ACTR5: variants seen among roughly 807,000 people sequenced by gnomAD.
ACTR5 encodes actin related protein 5.
ACTR5 carries 43 observed loss-of-function variants against 61.2 expected under a neutral mutation model. That is an observed-to-expected ratio of 0.70 (90% CI 0.55 to 0.91). The LOEUF is 0.91. Among genes scored for constraint, ACTR5 ranks in the 40% least tolerant of loss-of-function variants. The pLI, the probability that ACTR5 is intolerant of heterozygous loss-of-function variation, is 0.00. For missense variants in ACTR5, 798 were observed against 782.2 expected (o/e 1.02, Z -0.24); for synonymous variants, 333 against 310.5 (o/e 1.07, Z -0.76).
intron 5 of ACTR5, among the ~76,000 whole-genome samples, chr20:38,756,367 T>C (rs2084420327): frequency 6.6e-6 from 1 of 152,246 alleles, no homozygotes; most frequent in Non-Finnish European, 1.5e-5. Context: ...TTTTAGTGTT[T>C]TATTAAATAT....
chr20:38,753,265 TG>T (rs1350560517), intron 3 of ACTR5, among the ~76,000 whole-genome samples: 4 of 152,066 alleles, frequency 2.6e-5, no homozygotes, highest in Admixed American at 2.6e-4. Flanking sequence ...AGAGAGAGCA[TG>T]AGGGAATTTT....
At chr20:38,770,839 T>C (rs1256605334) in intron 8 of ACTR5, among the ~76,000 whole-genome samples, 2 of 152,214 alleles carry the variant, frequency 1.3e-5, no homozygotes, top group Admixed American at 6.5e-5. Context: ...TCCACTGTTA[T>C]GGCCTCTGCC....
intron 5 of ACTR5, among the ~76,000 whole-genome samples, chr20:38,756,344 T>A (rs1166888698): frequency 6.6e-6 from 1 of 152,222 alleles, no homozygotes; most frequent in Non-Finnish European, 1.5e-5. Flanking sequence ...GTCATATACT[T>A]CCTTTAATTT....
chr20:38,767,431 AAGGGACTATATT>A, intron 7 of ACTR5, 21 bp from the exon 8 acceptor site: 1 of 1,586,890 alleles, frequency 6.3e-7, no homozygotes, highest in Non-Finnish European at 8.6e-7. Flanking sequence ...TATTTGAGTT[AAGGGACTATATT>A]AGGAGTTGTT....
intron 8 of ACTR5, among the ~76,000 whole-genome samples, chr20:38,769,523 C>G (rs180827041): frequency 6.6e-6 from 1 of 152,254 alleles, no homozygotes; most frequent in East Asian, 1.9e-4. Flanking sequence ...AACTAGTTTG[C>G]TGATTAAGAG....
chr20:38,759,050 C>G (rs1242784896), intron 5 of ACTR5, among the ~76,000 whole-genome samples: 1 of 152,096 alleles, frequency 6.6e-6, no homozygotes, highest in African/African-American at 2.4e-5. Flanking sequence ...GCATTTTTAC[C>G]AAGTATTTAA....
intron 2 of ACTR5, 116 bp downstream of exon 2, chr20:38,750,355 C>A: frequency 2.3e-6 from 2 of 864,808 alleles, no homozygotes; most frequent in East Asian, 2.7e-5. Flanking sequence ...TGAACTGAGC[C>A]GTTGGGCTTA....
In ACTR5 at chr20:38,772,037, CTGATGTCTTTGT is replaced by C. The variant is rs2084523142; in HGVS notation, c.*223_*234del. On this transcript the variant is annotated 3_prime_UTR_variant, in exon 9 of 9. Coordinates refer to ENST00000243903, the MANE Select transcript of ACTR5 (RefSeq NM_024855.4). ...TCTGTGGTAGAGACTAACTGGCCTT[CTGATGTCTTTGT>C]TCAACTGTGGCCAGCTGTGGCATCA... is the stretch of plus-strand genomic sequence containing the variant. 8.2e-6 allele frequency: 5 copies of C among 607,292 alleles called. No homozygotes were observed. In the South Asian group the frequency reaches 1.1e-4, roughly 14 times the overall value. 37.6% of individuals were successfully genotyped at this position (607,292 alleles called of 1,614,324 possible). A position where few individuals can be genotyped will look rare whatever the true frequency, so the allele number is the denominator to read the frequency against.
At chr20:38,750,704 G>T (rs1360518340) in intron 2 of ACTR5, among the ~76,000 whole-genome samples, 1 of 151,858 alleles carries the variant, frequency 6.6e-6, no homozygotes, top group Non-Finnish European at 1.5e-5. Flanking sequence ...TCTTGGCTCA[G>T]GGCAACGTCC....
intron 5 of ACTR5, among the ~76,000 whole-genome samples, chr20:38,757,636 A>G (rs945616452): frequency 3.9e-5 from 6 of 152,002 alleles, no homozygotes; most frequent in Non-Finnish European, 1.5e-5. Flanking sequence ...CTTTGGCTCA[A>G]CAGGAAGCTT....
intron 3 of ACTR5, 89 bp downstream of exon 3, chr20:38,752,389 A>G: frequency 1.4e-6 from 2 of 1,413,148 alleles, no homozygotes; most frequent in East Asian, 2.4e-5. Context: ...TTGCTTGCTC[A>G]CTTTTTAAGC....
At position 38,771,619 on chromosome 20, in the gene ACTR5, A is replaced by T. The variant is rs2084520535; in HGVS notation, c.1627A>T (p.Asn543Tyr). ...GTACGGTGCTCGTGACTGGGCCTTGAACCACCTAGATGATAATGAAGTTTG... is the reference window on the plus strand; with the variant it reads ...GTACGGTGCTCGTGACTGGGCCTTGTACCACCTAGATGATAATGAAGTTTG... Reference protein sequence around the residue: ...AWYGARDWALNHLDDNEVWIT... With the variant: ...AWYGARDWALYHLDDNEVWIT... The change falls in exon 9 of 9, where the codon AAC becomes TAC. Residue 543 changes from asparagine (N) to tyrosine (Y), a missense_variant. Transcript: ENST00000243903. The T allele has an allele frequency of 6.2e-7, 1 of 1,614,002 alleles. No individual in the cohort carries two copies. The highest frequency in any genetic ancestry group is 8.5e-7 in the Non-Finnish European group (1 of 1,180,022).
At chr20:38,764,021 C>T (rs144852261) in intron 5 of ACTR5, among the ~76,000 whole-genome samples, 137 of 152,260 alleles carry the variant, frequency 9.0e-4, no homozygotes, top group Non-Finnish European at 1.6e-3. Context: ...CATTGTCACC[C>T]ATCTTGCATG....
At chr20:38,756,950 G>C (rs2084423890) in intron 5 of ACTR5, among the ~76,000 whole-genome samples, 1 of 151,264 alleles carries the variant, frequency 6.6e-6, no homozygotes, top group African/African-American at 2.5e-5. Flanking sequence ...GTTTGAGACA[G>C]GGTCTCACTT....
Position 38,748,581 on chromosome 20 carries a change from C to T in ACTR5, c.103C>T (p.Leu35=). 6.6e-7 allele frequency: 1 copy of T among 1,522,800 alleles called. No individual in the cohort carries two copies. Among genetic ancestry groups the T allele is most frequent in the Non-Finnish European group, 8.8e-7 (1 of 1,137,802 alleles). The allele number at this position is 1,522,800 out of a possible 1,614,324, so 94.3% of individuals were successfully genotyped here. ...AHGPLPVPLV[L]DNGSFQVRAG... Reference sequence around the variant, plus strand: ...CGGGCCACTGCCGGTACCGCTGGTGCTGGACAACGGGTCGTTCCAAGTCCG... The same window carrying T: ...CGGGCCACTGCCGGTACCGCTGGTGTTGGACAACGGGTCGTTCCAAGTCCG... Residue 35 remains leucine, a synonymous_variant, in exon 1 of 9, where the codon CTG becomes TTG. Coordinates refer to ENST00000243903, the MANE Select transcript of ACTR5 (RefSeq NM_024855.4).
chr20:38,759,326 T>C (rs978224608), intron 5 of ACTR5, among the ~76,000 whole-genome samples: 3 of 152,196 alleles, frequency 2.0e-5, no homozygotes, highest in African/African-American at 4.8e-5. Flanking sequence ...GTCATATTAG[T>C]GTTTCTGAAC....
Position 38,767,928 on chromosome 20 carries a change from C to T in ACTR5, c.1566+332C>T, listed in dbSNP as rs182690715. On this transcript the variant is annotated intron_variant, in intron 8 of 8. Transcript: ENST00000243903. ...GGAGCGTTCCAGACAGAAGGACTAG[C>T]ATGAGCAAGGGCACAGGGGCCAGAA... 2.8e-3 allele frequency among the ~76,000 whole-genome samples: 424 copies of T among 152,258 alleles called. 2 individuals carry two copies. Among genetic ancestry groups the T allele is most frequent in the African/African-American group, 9.6e-3 (400 of 41,524 alleles).
chr20:38,768,878 C>CT (rs1254050207), intron 8 of ACTR5, among the ~76,000 whole-genome samples: 5 of 152,144 alleles, frequency 3.3e-5, no homozygotes, highest in African/African-American at 1.2e-4. Context: ...ATGAAGGAGT[C>CT]TAAGCAGGGA....
rs1424307860 is a variant in ACTR5 at position 38,766,359 on chromosome 20, T to C, written c.1415T>C (p.Leu472Pro). 6.2e-7 allele frequency: 1 copy of C among 1,608,246 alleles called. No individual in the cohort carries two copies. The highest frequency in any genetic ancestry group is 8.5e-7 in the Non-Finnish European group (1 of 1,178,570). ...GEEQAGIAET[L>P]QYILDRYPKD... Reference sequence around the variant, plus strand: ...GAACAGGCTGGGATTGCAGAGACTCTTCAGTACATTCTGGACAGGTGAGAC... The same window carrying C: ...GAACAGGCTGGGATTGCAGAGACTCCTCAGTACATTCTGGACAGGTGAGAC... Residue 472 changes from leucine to proline, a missense_variant, in exon 7 of 9, where the codon CTT becomes CCT. Physicochemically the swap from Leu to Pro is moderately conservative, Grantham distance 98. Transcript: ENST00000243903.
Sources: allele counts gnomAD v4.1 joint callset (sites outside exome capture counted in the v4.1 genomes callset), GRCh38; gene constraint gnomAD v4.1.1; transcripts MANE v1.5; gene names NCBI Gene and HGNC (gene_info 2026-07-23, HGNC 2026-07-21).